Variants in CHD5 observed in about 807,000 individuals in gnomAD.
The protein encoded by CHD5 is ATP-dependent chromatin remodeler CHD5.
A neutral mutation model predicts 230.3 loss-of-function variants in CHD5; 69 were observed. The observed-to-expected ratio is 0.30, with a 90% CI of 0.25 to 0.37. The LOEUF is 0.37. CHD5 is among the 10% of genes least tolerant of loss of function. The pLI, the probability that CHD5 is intolerant of heterozygous loss-of-function variation, is 1.00. For missense variants in CHD5, 1,827 were observed against 2,622.8 expected, an observed-to-expected ratio of 0.70 and a Z score of 6.63; for synonymous variants, 1,064 against 1,065.9, an observed-to-expected ratio of 1.00 and a Z score of 0.03.
chr1:6,130,017 G>C lies in CHD5; in HGVS notation c.3387+187C>G. On this transcript the variant is annotated intron_variant, in intron 22 of 41. Coordinates refer to ENST00000262450, the MANE Select transcript of CHD5 (RefSeq NM_015557.3). This position sits in a 1 kb window ranked among gnomAD's most constrained non-coding sequence, Gnocchi z 4.9. ...TCCTCTGGACAAGGACAGAGCTGGA[G>C]GGATGGGGGCCAAGCTTCCACTCAC... The C allele has an allele frequency of 1.5e-6, 1 of 666,192 alleles. No individual in the cohort carries two copies. Among genetic ancestry groups the C allele is most frequent in the Non-Finnish European group, 2.6e-6 (1 of 386,196 alleles). 41.3% of individuals were successfully genotyped at this position (666,192 alleles called of 1,614,324 possible).
At position 6,133,892 on chromosome 1, in the gene CHD5, CA is replaced by C. The variant is rs1571151150; in HGVS notation, c.3144+235del. ...GGGCTGTCCTACCAGCCTGGACATG[CA>C]GACCAGAAGGGCAGGTGTGGGGAGA... On this transcript the variant is annotated intron_variant, in intron 20 of 41. Transcript: ENST00000262450. Among the ~76,000 whole-genome samples the C allele has an allele frequency of 3.3e-5, 5 of 152,306 alleles. No homozygotes were observed. The East Asian group carries it at 9.6e-4, about 29-fold the overall frequency.
chr1:6,129,897 T>G lies in CHD5; in HGVS notation c.3387+307A>C, dbSNP rs966789693. Among the ~76,000 whole-genome samples the G allele has an allele frequency of 3.3e-5, 5 of 152,146 alleles. No individual in the cohort carries two copies. Among genetic ancestry groups the G allele is most frequent in the African/African-American group, 1.2e-4 (5 of 41,430 alleles). Reference sequence around the variant, plus strand: ...CTCTTCCTGCCTCCCTCCACGGCCTTGGTCCTGAGGATGATGGGAAAGACC... The same window carrying G: ...CTCTTCCTGCCTCCCTCCACGGCCTGGGTCCTGAGGATGATGGGAAAGACC... On this transcript the variant is annotated intron_variant, in intron 22 of 41. Coordinates refer to ENST00000262450, the MANE Select transcript of CHD5 (RefSeq NM_015557.3). The surrounding 1 kb of genome is among the most constrained non-coding windows in gnomAD (Gnocchi z 6.8).
chr1:6,136,412 A>C, intron 17 of CHD5, 105 bp downstream of exon 17: 1 of 1,324,262 alleles, frequency 7.6e-7, no homozygotes, highest in Non-Finnish European at 1.1e-6. Flanking sequence ...CTGATGAGGA[A>C]GCAACGGCCG....
intron 38 of CHD5, 111 bp downstream of exon 38, chr1:6,109,684 G>A: frequency 2.2e-6 from 2 of 914,846 alleles, no homozygotes; most frequent in Non-Finnish European, 1.7e-6. Flanking sequence ...CCTCTGGGCT[G>A]ACATCTGTCC....
chr1:6,114,120 G>A (rs1041370843), intron 33 of CHD5, among the ~76,000 whole-genome samples: 1 of 152,152 alleles, frequency 6.6e-6, no homozygotes, highest in Non-Finnish European at 1.5e-5. Flanking sequence ...AGGTGTGGTG[G>A]CACGTGCCTG....
chr1:6,160,151 C>T (rs1255726094), intron 2 of CHD5, among the ~76,000 whole-genome samples: 30 of 103,906 alleles, frequency 2.9e-4, no homozygotes, highest in Non-Finnish European at 4.6e-4. Context: ...AGGGAAGGGC[C>T]CCAGCAAGGG....
chr1:6,179,819 C>A lies in CHD5; in HGVS notation c.79+126G>T, dbSNP rs566920679. The A allele has an allele frequency of 4.7e-3, 1,291 of 276,578 alleles. 26 individuals are homozygous for A. Among genetic ancestry groups the A allele is most frequent in the African/African-American group, 0.028 (1,196 of 43,246 alleles). 17.1% of individuals were successfully genotyped at this position (276,578 alleles called of 1,614,324 possible). A position where few individuals can be genotyped will look rare whatever the true frequency, so the allele number is the denominator to read the frequency against. On this transcript the variant is annotated intron_variant, in intron 1 of 41. Coordinates refer to ENST00000262450, the MANE Select transcript of CHD5 (RefSeq NM_015557.3). ...CAGGGCGGGAGCGCAGCCCCGCAACCCGGGTGCCCCTCCTGCGAGGCGCCA... is the reference window on the plus strand; with the variant it reads ...CAGGGCGGGAGCGCAGCCCCGCAACACGGGTGCCCCTCCTGCGAGGCGCCA...
intron 1 of CHD5, among the ~76,000 whole-genome samples, chr1:6,178,584 AGGAT>A (rs1667461066): frequency 6.6e-6 from 1 of 152,024 alleles, no homozygotes; most frequent in Non-Finnish European, 1.5e-5. Context: ...CCAAGGACCC[AGGAT>A]ATGACAGTCA....
rs2100825042 is a variant in CHD5 at position 6,105,947 on chromosome 1, G to A, written c.*46+287C>T. Among the ~76,000 whole-genome samples, 1 of 152,218 alleles carries A rather than the reference G, an allele frequency of 6.6e-6. No homozygotes were observed. Among genetic ancestry groups the A allele is most frequent in the Non-Finnish European group, 1.5e-5 (1 of 68,008 alleles). ...CCGCTGGGAACATGTGTGCAAATGA[G>A]AACACATGTGCACACACAGGAGCTC... On this transcript the variant is annotated intron_variant, in intron 41 of 41. Coordinates refer to ENST00000262450, the MANE Select transcript of CHD5 (RefSeq NM_015557.3). This position sits in a 1 kb window ranked among gnomAD's most constrained non-coding sequence, Gnocchi z 4.8.
At chr1:6,168,838 A>G (rs11808801) in intron 1 of CHD5, among the ~76,000 whole-genome samples, 37,171 of 151,868 alleles carry the variant, frequency 0.24, 7,626 homozygotes, top group African/African-American at 0.56. Flanking sequence ...GGCCAACACG[A>G]TGAAACCCCG....
chr1:6,161,305 A>G (rs1184515735), intron 2 of CHD5, among the ~76,000 whole-genome samples: 1 of 152,134 alleles, frequency 6.6e-6, no homozygotes, highest in Non-Finnish European at 1.5e-5. Flanking sequence ...AGTCACATCC[A>G]ACAGTTCGTG....
intron 1 of CHD5, among the ~76,000 whole-genome samples, chr1:6,178,919 C>T (rs1392722713): frequency 6.6e-6 from 1 of 152,180 alleles, no homozygotes; most frequent in East Asian, 1.9e-4. Flanking sequence ...GGAGGGCCTC[C>T]AGCCTCCCAC....
chr1:6,146,908 C>T lies in CHD5; in HGVS notation c.1384-37G>A. 1 of 1,432,700 alleles carries T rather than the reference C, an allele frequency of 7.0e-7. No homozygotes were observed. The highest frequency in any genetic ancestry group is 9.2e-7 in the Non-Finnish European group (1 of 1,081,132). 88.7% of individuals were successfully genotyped at this position (1,432,700 alleles called of 1,614,324 possible). A position where few individuals can be genotyped will look rare whatever the true frequency, so the allele number is the denominator to read the frequency against. ...GAAGGGTCCCCAAGGTGGGGCTCAG[C>T]TGCAGGGCCCCACCCTGAGGCTCCC... On this transcript the variant is annotated intron_variant, in intron 9 of 41. Coordinates refer to ENST00000262450, the MANE Select transcript of CHD5 (RefSeq NM_015557.3). The surrounding 1 kb of genome is among the most constrained non-coding windows in gnomAD (Gnocchi z 5.1).
Position 6,151,020 on chromosome 1 carries a change from G to A in CHD5, c.994+12C>T, listed in dbSNP as rs772877281. ...CCAGCAGGCCAAGAACTCTCTGGAA[G>A]GGGAGTCATACTCCTCTTCTTCTTG... On this transcript the variant is annotated intron_variant, in intron 7 of 41. Transcript: ENST00000262450. The A allele has an allele frequency of 1.3e-6, 2 of 1,536,154 alleles. No individual in the cohort carries two copies. The highest frequency in any genetic ancestry group is 1.4e-5 in the African/African-American group (1 of 72,934).
chr1:6,145,868 A>G (rs1666901502), intron 11 of CHD5, among the ~76,000 whole-genome samples: 1 of 152,146 alleles, frequency 6.6e-6, no homozygotes, highest in Admixed American at 6.5e-5. Flanking sequence ...AACGCGGGGG[A>G]AATGTGGACA....
At position 6,126,027 on chromosome 1, in the gene CHD5, C is replaced by T. The variant is rs1036224254; in HGVS notation, c.4079-169G>A. ...GGCTCATTTAGTAATCCCAACACCACCACGTTATACACTAAGGGTACCATG... is the reference window on the plus strand; with the variant it reads ...GGCTCATTTAGTAATCCCAACACCATCACGTTATACACTAAGGGTACCATG... On this transcript the variant is annotated intron_variant, in intron 26 of 41. Coordinates refer to ENST00000262450, the MANE Select transcript of CHD5 (RefSeq NM_015557.3). The surrounding 1 kb of genome is among the most constrained non-coding windows in gnomAD (Gnocchi z 5.7). Among the ~76,000 whole-genome samples the T allele has an allele frequency of 2.6e-5, 4 of 152,166 alleles. No individual in the cohort carries two copies. Among genetic ancestry groups the T allele is most frequent in the African/African-American group, 9.7e-5 (4 of 41,434 alleles).
chr1:6,126,226 C>T lies in CHD5; in HGVS notation c.4078+346G>A, dbSNP rs548811259. Among the ~76,000 whole-genome samples, 61 of 152,308 alleles carry T rather than the reference C, an allele frequency of 4.0e-4. No homozygotes were observed. The South Asian group carries it at 0.012, about 31-fold the overall frequency. ...GCTGCCTCCCAGCTCCAACCAGCGC[C>T]GCCCAGCGTTCCTGGCCCCCACCTC... is the stretch of plus-strand genomic sequence containing the variant. On this transcript the variant is annotated intron_variant, in intron 26 of 41. Coordinates refer to ENST00000262450, the MANE Select transcript of CHD5 (RefSeq NM_015557.3). This position sits in a 1 kb window ranked among gnomAD's most constrained non-coding sequence, Gnocchi z 5.7.
At chr1:6,109,759 CG>C in intron 38 of CHD5, 35 bp downstream of exon 38, 1 of 1,573,612 alleles carries the variant, frequency 6.4e-7, no homozygotes. Flanking sequence ...GGAGGAAGGG[CG>C]GGGGGCTGCA....
At chr1:6,118,946 C>T (rs987949683) in intron 33 of CHD5, among the ~76,000 whole-genome samples, 1 of 152,070 alleles carries the variant, frequency 6.6e-6, no homozygotes, top group Admixed American at 6.5e-5. Flanking sequence ...GATCCACCCA[C>T]CTCAGCCTCC....
Sources: gnomAD v4.1 joint callset for allele counts (sites outside exome capture counted in the v4.1 genomes callset) on GRCh38, gnomAD v4.1.1 for gene constraint, Gnocchi (gnomAD v3.1) non-coding constraint, MANE v1.5 for transcripts, NCBI Gene and HGNC (gene_info 2026-07-23, HGNC 2026-07-21) for gene names.